The following GALNT13 variants were observed in gnomAD, a reference collection of about 807,000 sequenced individuals.
GALNT13 encodes the protein UDP-GalNAc:polypeptide N-acetylgalactosaminyltransferase 13.
In GALNT13, 28 loss-of-function variants were observed where a neutral mutation model predicts 64.2. The ratio of observed to expected loss-of-function variants is 0.44; its 90% confidence interval spans 0.32 to 0.60. GALNT13 has a LOEUF of 0.60. Ranked by LOEUF, GALNT13 falls within the 20% of genes least tolerant of loss-of-function variation. The probability of loss-of-function intolerance (pLI) is 0.05; values close to 1 mark genes in which losing one functional copy is unlikely to be tolerated. For synonymous variants in GALNT13, 214 were observed against 224.6 expected (o/e 0.95, Z 0.42); for missense variants, 577 against 669.8 (o/e 0.86, Z 1.53).
chr2:153,617,053 C>A, the GALNT13 span, among the ~76,000 whole-genome samples: 1 of 151,876 alleles, frequency 6.6e-6, no homozygotes, highest in East Asian at 1.9e-4. Context: ...TAAGAAATAT[C>A]TTATCTTTCT....
chr2:153,316,788 T>G, the GALNT13 span, among the ~76,000 whole-genome samples: 5 of 152,028 alleles, frequency 3.3e-5, no homozygotes, highest in African/African-American at 1.2e-4. Flanking sequence ...AAGAACAAAT[T>G]AATAATACAA....
At chr2:153,601,564 C>A in the GALNT13 span, among the ~76,000 whole-genome samples, 2 of 151,214 alleles carry the variant, frequency 1.3e-5, no homozygotes, top group East Asian at 3.9e-4. Context: ...GATGCAATTT[C>A]TCAAGCAGAA....
chr2:153,917,668 C>A (rs1464573690), intron 2 of GALNT13, among the ~76,000 whole-genome samples: 2 of 152,118 alleles, frequency 1.3e-5, no homozygotes, highest in African/African-American at 4.8e-5. Flanking sequence ...TCTTAAAATT[C>A]TATCCAAATC....
chr2:153,961,036 G>T (rs1244120616), intron 3 of GALNT13, among the ~76,000 whole-genome samples: 1 of 152,072 alleles, frequency 6.6e-6, no homozygotes, highest in Non-Finnish European at 1.5e-5. Flanking sequence ...TCATCAAAAT[G>T]TATACATCAA....
the GALNT13 span, among the ~76,000 whole-genome samples, chr2:153,452,418 C>T: frequency 6.6e-6 from 1 of 151,780 alleles, no homozygotes; most frequent in African/African-American, 2.4e-5. Context: ...GAGGTGGTTG[C>T]AGTGAGCTGA....
chr2:153,819,259 G>T, the GALNT13 span, among the ~76,000 whole-genome samples: 8 of 152,280 alleles, frequency 5.3e-5, no homozygotes, highest in East Asian at 1.5e-3. Flanking sequence ...ATGAGGTAAT[G>T]CCCTAAAACC....
intron 4 of GALNT13, among the ~76,000 whole-genome samples, chr2:154,174,385 G>A (rs145160105): frequency 4.9e-4 from 75 of 152,186 alleles, no homozygotes; most frequent in African/African-American, 1.6e-3. Context: ...ACACTGATCT[G>A]TATAGTCAAA....
intron 4 of GALNT13, among the ~76,000 whole-genome samples, chr2:154,229,632 T>C (rs944185484): frequency 1.3e-5 from 2 of 152,012 alleles, no homozygotes; most frequent in African/African-American, 2.4e-5. Flanking sequence ...TGGAGAAAAT[T>C]AGGATTTCTG....
chr2:154,006,537 T>G (rs1696262919), intron 3 of GALNT13, among the ~76,000 whole-genome samples: 1 of 152,140 alleles, frequency 6.6e-6, no homozygotes, highest in African/African-American at 2.4e-5. Context: ...ATCAGAAAAA[T>G]GGACTGTGGG....
In GALNT13 at chr2:154,273,581, A is replaced by G. The variant is rs1164968540; in HGVS notation, c.975+14443A>G. 2.0e-5 allele frequency among the ~76,000 whole-genome samples: 3 copies of G among 152,230 alleles called. No individual in the cohort carries two copies. In the East Asian group the frequency reaches 5.8e-4, roughly 29 times the overall value. On this transcript the variant is annotated intron_variant, in intron 8 of 12. Coordinates refer to ENST00000392825, the MANE Select transcript of GALNT13 (RefSeq NM_052917.4). The stretch of plus-strand genomic sequence containing the variant: ...ACGACACATATACAATGGTGGTCCC[A>G]TAGGATACTACTGTATTTTTACTAT...
At chr2:154,231,421 G>A (rs1293820054) in intron 4 of GALNT13, among the ~76,000 whole-genome samples, 1 of 151,940 alleles carries the variant, frequency 6.6e-6, no homozygotes, top group African/African-American at 2.4e-5. Flanking sequence ...TATTGATGAT[G>A]TTGCTCTTAT....
the GALNT13 span, among the ~76,000 whole-genome samples, chr2:153,281,529 T>C: frequency 6.6e-6 from 1 of 152,160 alleles, no homozygotes; most frequent in Non-Finnish European, 1.5e-5. Context: ...TGTTCTTTCA[T>C]TTTCAGGTTT....
At chr2:154,146,969 TA>T (rs1253812296) in intron 4 of GALNT13, among the ~76,000 whole-genome samples, 1 of 152,114 alleles carries the variant, frequency 6.6e-6, no homozygotes, top group African/African-American at 2.4e-5. Flanking sequence ...CAAATGATTA[TA>T]ATCAAATAAA....
the GALNT13 span, among the ~76,000 whole-genome samples, chr2:153,111,312 A>C: frequency 6.6e-6 from 1 of 152,054 alleles, no homozygotes. Context: ...TAAAAAACTA[A>C]ACCTGTTGTT....
the GALNT13 span, among the ~76,000 whole-genome samples, chr2:153,401,658 T>C: frequency 6.6e-6 from 1 of 150,634 alleles, no homozygotes; most frequent in East Asian, 2.0e-4. Context: ...TCTTGTTGAA[T>C]TGATCCCTTT....
chr2:154,074,935 G>A (rs1460283493), intron 3 of GALNT13, among the ~76,000 whole-genome samples: 1 of 151,790 alleles, frequency 6.6e-6, no homozygotes, highest in East Asian at 1.9e-4. Context: ...CAAATCCACG[G>A]CCAACATCAT....
the GALNT13 span, among the ~76,000 whole-genome samples, chr2:153,190,836 A>G: frequency 6.6e-6 from 1 of 151,840 alleles, no homozygotes; most frequent in African/African-American, 2.4e-5. Flanking sequence ...TTTGGTAGCT[A>G]TTGTCAGTGA....
At chr2:154,103,687 T>A (rs1311438603) in intron 3 of GALNT13, among the ~76,000 whole-genome samples, 1 of 152,156 alleles carries the variant, frequency 6.6e-6, no homozygotes, top group Non-Finnish European at 1.5e-5. Flanking sequence ...CACTGTAGGG[T>A]ATGTTATATA....
chr2:154,097,002 ATAAG>A (rs1234029943), intron 3 of GALNT13, among the ~76,000 whole-genome samples: 9 of 78,116 alleles, frequency 1.2e-4, no homozygotes, highest in African/African-American at 3.9e-4. Flanking sequence ...GAATAAGAAA[ATAAG>A]TAAGTAAGTA....
Sources: gnomAD v4.1 joint callset for allele counts (sites outside exome capture counted in the v4.1 genomes callset) on GRCh38, gnomAD v4.1.1 for gene constraint, MANE v1.5 for transcripts, NCBI Gene and HGNC (gene_info 2026-07-23, HGNC 2026-07-21) for gene names.